Variants in SCNN1B observed in about 807,000 individuals in gnomAD.
The protein encoded by SCNN1B is sodium channel epithelial 1 subunit beta.
In SCNN1B, 46 loss-of-function variants were observed where a neutral mutation model predicts 65.3. The observed-to-expected ratio is 0.70, with a 90% CI of 0.56 to 0.90. The LOEUF (loss-of-function observed/expected upper bound fraction) is 0.90, where lower values mean the gene tolerates loss of function less well. Among genes scored for constraint, SCNN1B ranks in the 40% least tolerant of loss-of-function variants. The probability of loss-of-function intolerance (pLI) is 0.00; values close to 1 mark genes in which losing one functional copy is unlikely to be tolerated. For missense variants in SCNN1B, 751 were observed against 830.5 expected (o/e 0.90, Z 1.18); for synonymous variants, 349 against 330.6 (o/e 1.06, Z -0.60).
rs556128534 is a variant in SCNN1B at position 23,278,520 on chromosome 16, T to C, written n.110+180T>C. On this transcript the variant is annotated intron_variant and non_coding_transcript_variant, in intron 1 of 3. Coordinates refer to the SCNN1B transcript ENST00000569789. Reference sequence around the variant, plus strand: ...ATGTGAAATGTCCAGAATAGGTAAATCCATGCAGATGGAAGGCAGACTGCC... The same window carrying C: ...ATGTGAAATGTCCAGAATAGGTAAACCCATGCAGATGGAAGGCAGACTGCC... Among the ~76,000 whole-genome samples the C allele has an allele frequency of 6.0e-4, 91 of 151,800 alleles. 1 individual carries two copies. Among genetic ancestry groups the C allele is most frequent in the Non-Finnish European group, 1.1e-3 (73 of 67,970 alleles).
intron 4 of SCNN1B, among the ~76,000 whole-genome samples, chr16:23,355,812 G>T (rs563811549): frequency 2.6e-5 from 4 of 152,254 alleles, no homozygotes; most frequent in African/African-American, 9.6e-5. Flanking sequence ...GCTGGGCGTG[G>T]TGGGTGGGTG....
intron 1 of SCNN1B, among the ~76,000 whole-genome samples, chr16:23,346,474 A>G (rs1175542413): frequency 6.6e-6 from 1 of 151,976 alleles, no homozygotes; most frequent in Non-Finnish European, 1.5e-5. Flanking sequence ...CTCCTGCCTC[A>G]GCCTCCCAAA....
chr16:23,365,493 A>G (rs1962633119), intron 4 of SCNN1B, among the ~76,000 whole-genome samples: 1 of 140,110 alleles, frequency 7.1e-6, no homozygotes, highest in East Asian at 2.0e-4. Context: ...AAAGAAGAAA[A>G]GAAAGAAAAA....
intron 1 of SCNN1B, among the ~76,000 whole-genome samples, chr16:23,305,567 TA>T (rs1961192251): frequency 1.1e-4 from 6 of 54,364 alleles, no homozygotes; most frequent in Admixed American, 4.9e-4. Context: ...TATATATATA[TA>T]TATATATATT....
chr16:23,376,507 CT>C (rs1184806990), intron 8 of SCNN1B, among the ~76,000 whole-genome samples: 2 of 152,028 alleles, frequency 1.3e-5, no homozygotes, highest in African/African-American at 4.8e-5. Context: ...TGATGGTAGC[CT>C]CCAAGGACTC....
At chr16:23,367,544 C>T (rs534554049) in intron 4 of SCNN1B, among the ~76,000 whole-genome samples, 2 of 152,354 alleles carry the variant, frequency 1.3e-5, no homozygotes, top group East Asian at 1.9e-4. Context: ...GCGGTCCTCC[C>T]GCCTCAGCCT....
chr16:23,303,356 G>T (rs905841486), intron 1 of SCNN1B, among the ~76,000 whole-genome samples: 1 of 152,098 alleles, frequency 6.6e-6, no homozygotes, highest in Non-Finnish European at 1.5e-5. Flanking sequence ...ACAAAGCCGG[G>T]TGGATGGGTC....
intron 1 of SCNN1B, among the ~76,000 whole-genome samples, chr16:23,316,430 TTCA>T (rs200692734): frequency 0.017 from 1,594 of 93,030 alleles, 19 homozygotes; most frequent in Middle Eastern, 0.077. Flanking sequence ...CACCATCTCC[TTCA>T]TCATCACCAT....
At chr16:23,327,016 A>T (rs1265112346) in intron 1 of SCNN1B, among the ~76,000 whole-genome samples, 1 of 152,146 alleles carries the variant, frequency 6.6e-6, no homozygotes, top group African/African-American at 2.4e-5. Context: ...TCCCAGACTC[A>T]AGCAATCTTC....
chr16:23,286,356 T>C (rs187431243), intron 2 of SCNN1B, among the ~76,000 whole-genome samples: 1 of 152,254 alleles, frequency 6.6e-6, no homozygotes, highest in East Asian at 1.9e-4. Flanking sequence ...CCTGGGTTCC[T>C]GTGATTCACA....
chr16:23,315,207 C>T (rs1961427677), intron 1 of SCNN1B, among the ~76,000 whole-genome samples: 1 of 152,104 alleles, frequency 6.6e-6, no homozygotes, highest in African/African-American at 2.4e-5. Flanking sequence ...TGTGATGGTG[C>T]ATGCCTGTAG....
At chr16:23,351,220 G>A (rs532728367) in intron 2 of SCNN1B, among the ~76,000 whole-genome samples, 7 of 152,228 alleles carry the variant, frequency 4.6e-5, no homozygotes, top group Admixed American at 2.0e-4. Flanking sequence ...TAATAGGAAC[G>A]ACAGCACTCC....
intron 2 of SCNN1B, among the ~76,000 whole-genome samples, chr16:23,288,604 G>A (rs1960883723): frequency 6.6e-6 from 1 of 152,138 alleles, no homozygotes; most frequent in South Asian, 2.1e-4. Context: ...AGCAGTTTAA[G>A]ACCAGCCTGA....
intron 4 of SCNN1B, chr16:23,359,392 C>T (rs1320245679): frequency 6.6e-6 from 1 of 152,370 alleles, no homozygotes; most frequent in Admixed American, 6.5e-5. Context: ...CCACCTCTCC[C>T]AAGCCTATTT....
intron 1 of SCNN1B, chr16:23,323,654 C>A: frequency 1.4e-6 from 1 of 700,600 alleles, no homozygotes; most frequent in Non-Finnish European, 2.6e-6. Context: ...TAACCACTAC[C>A]CCATTGTAAA....
chr16:23,339,513 G>A (rs907110068), intron 1 of SCNN1B, among the ~76,000 whole-genome samples: 2 of 151,810 alleles, frequency 1.3e-5, no homozygotes, highest in East Asian at 3.9e-4. Flanking sequence ...CTCCCAAAGT[G>A]CTGGGATTAC....
chr16:23,305,568 ATATATATATT>A (rs1961192710), intron 1 of SCNN1B, among the ~76,000 whole-genome samples: 3 of 33,432 alleles, frequency 9.0e-5, no homozygotes, highest in Non-Finnish European at 9.7e-5. Context: ...ATATATATAT[ATATATATATT>A]ATATATATAT....
intron 1 of SCNN1B, among the ~76,000 whole-genome samples, chr16:23,326,731 G>C (rs1961705108): frequency 6.6e-6 from 1 of 152,058 alleles, no homozygotes; most frequent in African/African-American, 2.4e-5. Context: ...GCCTCCCAAA[G>C]TGCTAGGATT....
At chr16:23,373,011 G>A (rs1466724673) in intron 7 of SCNN1B, among the ~76,000 whole-genome samples, 1 of 152,038 alleles carries the variant, frequency 6.6e-6, no homozygotes, top group Non-Finnish European at 1.5e-5. Context: ...GGGGGCTGAG[G>A]CAAGAGAATT....
Sources: gnomAD v4.1 joint callset for allele counts (sites outside exome capture counted in the v4.1 genomes callset) on GRCh38, gnomAD v4.1.1 for gene constraint, MANE v1.5 for transcripts, NCBI Gene and HGNC (gene_info 2026-07-23, HGNC 2026-07-21) for gene names.